Variants in SOX5 observed in about 807,000 individuals in gnomAD.
The protein encoded by SOX5 is transcription factor SOX-5.
Under a neutral mutation model 92.0 loss-of-function variants are expected in SOX5, and 9 were observed. That is an observed-to-expected ratio of 0.10 (90% CI 0.06 to 0.17). The LOEUF is 0.17. Among genes scored for constraint, SOX5 ranks in the 10% least tolerant of loss-of-function variants. The probability of loss-of-function intolerance (pLI) is 1.00; values close to 1 mark genes in which losing one functional copy is unlikely to be tolerated. For synonymous variants in SOX5, 344 were observed against 336.3 expected (o/e 1.02, Z -0.25); for missense variants, 642 against 944.5 (o/e 0.68, Z 4.20).
intron 4 of SOX5, among the ~76,000 whole-genome samples, chr12:24,042,967 T>G (rs1251652109): frequency 6.6e-6 from 1 of 152,182 alleles, no homozygotes; most frequent in Non-Finnish European, 1.5e-5. Context: ...TTTACCAAAG[T>G]TTGTTACATT....
chr12:23,923,419 G>A (rs1489468852), intron 1 of SOX5, among the ~76,000 whole-genome samples: 3 of 152,072 alleles, frequency 2.0e-5, no homozygotes, highest in Non-Finnish European at 2.9e-5. Context: ...GTAGGGAATC[G>A]GTAGACAAAC....
chr12:24,073,979 T>C (rs1472524542), intron 4 of SOX5, among the ~76,000 whole-genome samples: 1 of 152,080 alleles, frequency 6.6e-6, no homozygotes, highest in East Asian at 1.9e-4. Flanking sequence ...GATTACTTCT[T>C]GATAGATTCT....
At chr12:23,719,858 C>T (rs1160408991) in intron 6 of SOX5, among the ~76,000 whole-genome samples, 1 of 145,232 alleles carries the variant, frequency 6.9e-6, no homozygotes, top group African/African-American at 2.5e-5. Flanking sequence ...CCTAAATTCT[C>T]AGAGAGATGA....
At chr12:23,585,801 C>A (rs1451785551) in intron 9 of SOX5, among the ~76,000 whole-genome samples, 1 of 152,134 alleles carries the variant, frequency 6.6e-6, no homozygotes, top group East Asian at 1.9e-4. Flanking sequence ...ATGCCGGCAG[C>A]TATGTCAGAA....
intron 3 of SOX5, among the ~76,000 whole-genome samples, chr12:24,241,730 A>T (rs2140069260): frequency 6.6e-6 from 1 of 152,302 alleles, no homozygotes; most frequent in East Asian, 1.9e-4. Flanking sequence ...TAAGATCCCC[A>T]GCATGCAGCT....
intron 1 of SOX5, among the ~76,000 whole-genome samples, chr12:24,372,503 A>C: frequency 6.6e-6 from 1 of 152,196 alleles, no homozygotes. Flanking sequence ...ATGGTGTCTA[A>C]TGCCACATTT....
intron 4 of SOX5, among the ~76,000 whole-genome samples, chr12:24,060,092 G>A (rs1175001973): frequency 6.6e-6 from 1 of 152,188 alleles, no homozygotes; most frequent in Non-Finnish European, 1.5e-5. Context: ...AATCTCAACA[G>A]TGGGTGATTT....
chr12:24,149,774 C>T (rs548140112), intron 4 of SOX5, among the ~76,000 whole-genome samples: 1 of 152,162 alleles, frequency 6.6e-6, no homozygotes, highest in South Asian at 2.1e-4. Flanking sequence ...AGATATTTAT[C>T]AACAGATGAA....
At chr12:23,949,758 C>G (rs1817563610), upstream of SOX5, 1 of 779,506 alleles carries the variant, frequency 1.3e-6, no homozygotes, top group Non-Finnish European at 1.9e-6. Context: ...CTCTCCCTCT[C>G]TCTCTCTGTC....
intron 4 of SOX5, among the ~76,000 whole-genome samples, chr12:24,016,098 G>A (rs943387922): frequency 2.0e-5 from 3 of 152,134 alleles, no homozygotes; most frequent in South Asian, 4.1e-4. Context: ...TGCTGATTTC[G>A]GGAGAATGGT....
chr12:23,561,655 T>TCC (rs1946220155), intron 11 of SOX5, among the ~76,000 whole-genome samples: 1 of 152,070 alleles, frequency 6.6e-6, no homozygotes, highest in Non-Finnish European at 1.5e-5. Flanking sequence ...TTTAATGGGC[T>TCC]CCCTGATCCA....
intron 9 of SOX5, among the ~76,000 whole-genome samples, chr12:23,580,467 T>C (rs1317380255): frequency 6.6e-6 from 1 of 152,054 alleles, no homozygotes; most frequent in Non-Finnish European, 1.5e-5. Flanking sequence ...TTTGTGCTTC[T>C]CTGACCTCTA....
intron 8 of SOX5, among the ~76,000 whole-genome samples, chr12:23,623,890 A>G (rs11047009): frequency 0.56 from 84,598 of 151,894 alleles, 23,943 homozygotes; most frequent in African/African-American, 0.64. Flanking sequence ...TATATCCAAT[A>G]TTCATAACAG....
At position 24,213,266 on chromosome 12, in the gene SOX5, CA is replaced by C. The variant is rs1206609915; in HGVS notation, c.-2+76del. ...AACTCAAGCACATGGAAGAAATAAGCAAGTGGCAAGAGATTTGAGAATTGTA... is the reference window on the plus strand; with the variant it reads ...AACTCAAGCACATGGAAGAAATAAGCAGTGGCAAGAGATTTGAGAATTGTA... On this transcript the variant is annotated intron_variant, in intron 4 of 4. Transcript: ENST00000446891. 4 of 151,526 alleles carry C rather than the reference CA, an allele frequency of 2.6e-5. 1 individual carries two copies. Among genetic ancestry groups the C allele is most frequent in the African/African-American group, 9.7e-5 (4 of 41,384 alleles). The allele number at this position is 151,526 out of a possible 1,614,324, so 9.4% of individuals were successfully genotyped here.
chr12:23,911,468 C>T (rs147496620), intron 1 of SOX5, among the ~76,000 whole-genome samples: 88 of 152,156 alleles, frequency 5.8e-4, no homozygotes, highest in African/African-American at 2.1e-3. Flanking sequence ...CAAAAATGAA[C>T]AGCAGAGCCT....
rs554037010 is a variant in SOX5, at chr12:24,488,628, G to C, written c.-251+73701C>G. 1.8e-3 allele frequency among the ~76,000 whole-genome samples: 274 copies of C among 152,256 alleles called. 1 individual carries two copies. The highest frequency in any genetic ancestry group is 6.3e-3 in the African/African-American group (260 of 41,564). ...AATATTACTCAATCTGCAGTAGCTG[G>C]ATCTGACTAGAAATTTTCACATTTA... On this transcript the variant is annotated intron_variant, in intron 1 of 4. Transcript: ENST00000446891.
At chr12:23,952,677 C>T (rs945196723), upstream of SOX5, among the ~76,000 whole-genome samples, 3 of 152,088 alleles carry the variant, frequency 2.0e-5, no homozygotes, top group East Asian at 3.9e-4. Context: ...AGGAACTAGA[C>T]AGAAAATTTG....
At chr12:23,731,631 G>A (rs928226197) in intron 6 of SOX5, among the ~76,000 whole-genome samples, 1 of 152,046 alleles carries the variant, frequency 6.6e-6, no homozygotes, top group Non-Finnish European at 1.5e-5. Context: ...TATCTTTCCT[G>A]TCATGTAACA....
chr12:23,657,173 A>G lies in SOX5; in HGVS notation c.931+8271T>C, dbSNP rs549285173. ...TGGATAAGGTATCTAAGACCATAAGATGTAAGCTACAATTTGTGGAAAGCC... is the reference window on the plus strand; with the variant it reads ...TGGATAAGGTATCTAAGACCATAAGGTGTAAGCTACAATTTGTGGAAAGCC... On this transcript the variant is annotated intron_variant, in intron 7 of 14. Coordinates refer to ENST00000451604, the MANE Select transcript of SOX5 (RefSeq NM_006940.6). Among the ~76,000 whole-genome samples, 15 of 152,234 alleles carry G rather than the reference A, an allele frequency of 9.9e-5. No homozygotes were observed. In the South Asian group the frequency reaches 3.1e-3, roughly 32 times the overall value.
Sources: allele counts gnomAD v4.1 joint callset (sites outside exome capture counted in the v4.1 genomes callset), GRCh38; gene constraint gnomAD v4.1.1; transcripts MANE v1.5; gene names NCBI Gene and HGNC (gene_info 2026-07-23, HGNC 2026-07-21).